The following NCKAP5 variants were observed in gnomAD, a reference collection of about 807,000 sequenced individuals.
NCKAP5 encodes NCK associated protein 5, also known as nck-associated protein 5.
Under a neutral mutation model 167.0 loss-of-function variants are expected in NCKAP5, and 92 were observed. The ratio of observed to expected loss-of-function variants is 0.55; its 90% CI spans 0.47 to 0.66. NCKAP5 has a LOEUF of 0.66. Ranked by LOEUF, NCKAP5 falls within the 30% of genes least tolerant of loss-of-function variation. NCKAP5 has a pLI of 0.00. For missense variants in NCKAP5, 2,378 were observed against 2,315.0 expected (o/e 1.03, Z -0.56); for synonymous variants, 891 against 877.4 (o/e 1.02, Z -0.27).
chr2:132,962,359 G>A (rs1333993831), intron 8 of NCKAP5, among the ~76,000 whole-genome samples: 2 of 151,898 alleles, frequency 1.3e-5, no homozygotes, highest in African/African-American at 4.8e-5. Flanking sequence ...GGGAACAGAG[G>A]CATGGGGAGC....
At chr2:133,506,148 A>G (rs937525110) in intron 3 of NCKAP5, among the ~76,000 whole-genome samples, 2 of 152,202 alleles carry the variant, frequency 1.3e-5, no homozygotes, top group African/African-American at 4.8e-5. Flanking sequence ...CACAACTTTT[A>G]TCAGGACTGT....
intron 6 of NCKAP5, among the ~76,000 whole-genome samples, chr2:133,023,379 C>G (rs891354213): frequency 6.6e-6 from 1 of 152,144 alleles, no homozygotes; most frequent in East Asian, 1.9e-4. Flanking sequence ...AATGTTCTTA[C>G]ATTTCTTCAT....
At chr2:133,003,793 A>G (rs187704300) in intron 6 of NCKAP5, among the ~76,000 whole-genome samples, 1 of 152,350 alleles carries the variant, frequency 6.6e-6, no homozygotes, top group Admixed American at 6.5e-5. Context: ...AGCATTCATA[A>G]ACAGATCGAA....
At chr2:133,473,673 T>C (rs1679564322) in intron 3 of NCKAP5, among the ~76,000 whole-genome samples, 1 of 152,266 alleles carries the variant, frequency 6.6e-6, no homozygotes, top group African/African-American at 2.4e-5. Flanking sequence ...CGTTGTCTAG[T>C]GAAAATTACT....
rs1196230182 is a variant in NCKAP5 at position 133,559,600 on chromosome 2, G to A, written c.-129-483C>T. ...AGCCTGAGTCACTGAGATTATAAGC[G>A]TGAGCCCCTCACCCAGCTACTGTTG... On this transcript the variant is annotated intron_variant, in intron 1 of 19. Transcript: ENST00000409261. 2.0e-5 allele frequency among the ~76,000 whole-genome samples: 3 copies of A among 152,112 alleles called. No individual in the cohort carries two copies. In the East Asian group the frequency reaches 5.8e-4, roughly 29 times the overall value.
intron 5 of NCKAP5, among the ~76,000 whole-genome samples, chr2:133,153,900 A>G (rs1312538510): frequency 7.0e-6 from 1 of 143,614 alleles, no homozygotes; most frequent in Non-Finnish European, 1.5e-5. Flanking sequence ...TAACGGCGCA[A>G]TCTCAGCTCA....
chr2:133,211,204 T>C (rs1469868508), intron 5 of NCKAP5, among the ~76,000 whole-genome samples: 1 of 152,154 alleles, frequency 6.6e-6, no homozygotes, highest in East Asian at 1.9e-4. Flanking sequence ...TACTAACTTT[T>C]CAGTGATTTA....
chr2:132,801,243 G>C (rs190812832), intron 11 of NCKAP5, among the ~76,000 whole-genome samples: 1 of 152,234 alleles, frequency 6.6e-6, no homozygotes, highest in African/African-American at 2.4e-5. Context: ...TCTGGGAAAA[G>C]AAACGACTTT....
At chr2:133,129,595 C>T (rs2082528477) in intron 6 of NCKAP5, among the ~76,000 whole-genome samples, 1 of 152,042 alleles carries the variant, frequency 6.6e-6, no homozygotes, top group African/African-American at 2.4e-5. Flanking sequence ...ATTTATAATC[C>T]TTTGGGTATA....
At chr2:132,706,394 T>A (rs1355763944) in intron 19 of NCKAP5, among the ~76,000 whole-genome samples, 1 of 152,230 alleles carries the variant, frequency 6.6e-6, no homozygotes, top group East Asian at 1.9e-4. Context: ...TTAGGTTTAG[T>A]ACTGGCTAAA....
At chr2:133,472,480 T>G (rs1004358806) in intron 3 of NCKAP5, among the ~76,000 whole-genome samples, 3 of 152,064 alleles carry the variant, frequency 2.0e-5, no homozygotes, top group African/African-American at 7.2e-5. Flanking sequence ...TTGCTTCTCC[T>G]CTCCTTTTTA....
the NCKAP5 span, among the ~76,000 whole-genome samples, chr2:133,619,046 A>G: frequency 7.3e-6 from 1 of 137,306 alleles, no homozygotes; most frequent in Admixed American, 7.4e-5. Context: ...TCAGTAAACT[A>G]TCTCAAGAAC....
chr2:132,952,042 A>G (rs181291861), intron 8 of NCKAP5, among the ~76,000 whole-genome samples: 2 of 152,350 alleles, frequency 1.3e-5, no homozygotes, highest in Admixed American at 6.5e-5. Context: ...TTAATTGGCT[A>G]TAACTAAGCA....
At chr2:132,701,925 G>A (rs73957619) in intron 19 of NCKAP5, among the ~76,000 whole-genome samples, 2,354 of 152,240 alleles carry the variant, frequency 0.015, 59 homozygotes, top group African/African-American at 0.049. Flanking sequence ...TTTTCATTAT[G>A]AAAGTTATAG....
At chr2:133,642,246 A>G in the NCKAP5 span, among the ~76,000 whole-genome samples, 1 of 152,152 alleles carries the variant, frequency 6.6e-6, no homozygotes, top group Non-Finnish European at 1.5e-5. Flanking sequence ...CTCATACAGG[A>G]TCACCTCCAT....
At chr2:133,269,951 A>G (rs575055962) in intron 4 of NCKAP5, among the ~76,000 whole-genome samples, 1 of 152,350 alleles carries the variant, frequency 6.6e-6, no homozygotes, top group East Asian at 1.9e-4. Context: ...AGTAACTCCA[A>G]GCATTTGGCC....
intron 16 of NCKAP5, among the ~76,000 whole-genome samples, chr2:132,748,729 C>T (rs897306297): frequency 6.6e-6 from 1 of 151,980 alleles, no homozygotes; most frequent in Non-Finnish European, 1.5e-5. Context: ...ATTTATTTTT[C>T]TAATTCAATT....
At chr2:133,450,671 G>A (rs1691495573) in intron 3 of NCKAP5, among the ~76,000 whole-genome samples, 2 of 152,050 alleles carry the variant, frequency 1.3e-5, no homozygotes, top group South Asian at 4.2e-4. Context: ...GGATATACAT[G>A]GTTCTATTCT....
chr2:133,455,624 G>T (rs188633557), intron 3 of NCKAP5, among the ~76,000 whole-genome samples: 1 of 152,050 alleles, frequency 6.6e-6, no homozygotes, highest in East Asian at 1.9e-4. Context: ...AGAAGCTAAG[G>T]CATTTTCATA....
Sources: allele counts gnomAD v4.1 joint callset (sites outside exome capture counted in the v4.1 genomes callset), GRCh38; gene constraint gnomAD v4.1.1; transcripts MANE v1.5; gene names NCBI Gene and HGNC (gene_info 2026-07-23, HGNC 2026-07-21).